The following CEP135 variants were observed in gnomAD, a reference collection of about 807,000 sequenced individuals.
CEP135 encodes the protein centrosomal protein of 135 kDa.
Under a neutral mutation model 157.3 loss-of-function variants are expected in CEP135, and 142 were observed. The observed-to-expected ratio is 0.90, with a 90% CI of 0.79 to 1.04. CEP135 has a LOEUF of 1.04. CEP135 is among the 50% of genes least tolerant of loss of function. CEP135 has a pLI of 0.00. For synonymous variants in CEP135, 396 were observed against 439.8 expected, an observed-to-expected ratio of 0.90 and a Z score of 1.25; for missense variants, 1,317 against 1,309.2, an observed-to-expected ratio of 1.01 and a Z score of -0.09.
At chr4:56,025,157 C>T (rs1040586365) in intron 25 of CEP135, among the ~76,000 whole-genome samples, 3 of 151,966 alleles carry the variant, frequency 2.0e-5, no homozygotes, top group African/African-American at 7.2e-5. Context: ...GCAGCTATCT[C>T]CAAAAAAACA....
At chr4:56,008,459 G>T in intron 18 of CEP135, 77 bp downstream of exon 18, 2 of 1,110,520 alleles carry the variant, frequency 1.8e-6, no homozygotes, top group Non-Finnish European at 1.3e-6. Context: ...CAGTAGCATT[G>T]CAGCAATAGA....
chr4:56,010,775 TC>T (rs1730554201), intron 19 of CEP135, among the ~76,000 whole-genome samples: 1 of 152,214 alleles, frequency 6.6e-6, no homozygotes, highest in Non-Finnish European at 1.5e-5. Flanking sequence ...GTTTTAAACA[TC>T]TTACGTTTTT....
In CEP135 at chr4:55,974,938, A is replaced by G. The variant is rs772353041; in HGVS notation, c.1442A>G (p.Glu481Gly). The G allele has an allele frequency of 1.2e-6, 2 of 1,606,318 alleles. 1 individual carries two copies. Among genetic ancestry groups the G allele is most frequent in the African/African-American group, 2.7e-5 (2 of 74,826 alleles). Reference sequence around the variant, plus strand: ...TGCTCTACAAGTTATAGCGCACGTGAAAAAAGTTCAATATTTAGAACACCA... The same window carrying G: ...TGCTCTACAAGTTATAGCGCACGTGGAAAAAGTTCAATATTTAGAACACCA... ...RSCSTSYSAREKSSIFRTPEK... is the reference protein window; with the variant it reads ...RSCSTSYSARGKSSIFRTPEK... Residue 481 changes from glutamate (E) to glycine (G), a missense_variant, in exon 11 of 26, where the codon GAA becomes GGA. Transcript: ENST00000257287.
At position 56,032,889 on chromosome 4, in the gene CEP135, G is replaced by A. The variant is rs1731413105; in HGVS notation, c.*1541G>A. 6.6e-6 allele frequency: 1 copy of A among 151,132 alleles called. No individual in the cohort carries two copies. The allele number at this position is 151,132 out of a possible 1,614,324, so 9.4% of individuals were successfully genotyped here. On this transcript the variant is annotated 3_prime_UTR_variant, in exon 26 of 26. Transcript: ENST00000257287. ...GTGTGTGTATACCTGGGGGTGGGCA[G>A]TGCTCTTTTTCTAAAACTAATATGG...
rs1445749536 is a variant in CEP135, at chr4:55,953,134, G to A, written c.163G>A (p.Val55Met). ...CCTTCGGCAATCAAAATTATCTGCTGTGAAAGCTGAAAAAGAAAGTGCCAA... is the reference window on the plus strand; with the variant it reads ...CCTTCGGCAATCAAAATTATCTGCTATGAAAGCTGAAAAAGAAAGTGCCAA... ...ESLRQSKLSA[V>M]KAEKESANFD... The change falls in exon 3 of 26, where the codon GTG becomes ATG. Residue 55 changes from valine to methionine, a missense_variant. By Grantham distance (21) the Val-to-Met change is conservative. Transcript: ENST00000257287. The A allele has an allele frequency of 2.5e-6, 4 of 1,607,532 alleles. No individual in the cohort carries two copies. In the South Asian group the frequency reaches 3.4e-5, roughly 14 times the overall value.
intron 13 of CEP135, 70 bp from the exon 14 acceptor site, chr4:55,985,206 CTTACA>C: frequency 1.4e-6 from 1 of 715,408 alleles, no homozygotes; most frequent in Admixed American, 2.0e-5. Context: ...GAACTGTAGA[CTTACA>C]TTGCTTACTG....
chr4:56,001,926 T>C (rs1390759849), intron 17 of CEP135, among the ~76,000 whole-genome samples: 1 of 152,264 alleles, frequency 6.6e-6, no homozygotes, highest in East Asian at 1.9e-4. Context: ...ATTTCTTTCA[T>C]CAGTGTTTTG....
intron 17 of CEP135, 132 bp from the exon 18 acceptor site, chr4:56,008,195 C>A: frequency 3.2e-6 from 2 of 625,700 alleles, no homozygotes; most frequent in Non-Finnish European, 5.6e-6. Context: ...GATATGTTTA[C>A]TTGGAGCTTT....
intron 8 of CEP135, among the ~76,000 whole-genome samples, chr4:55,966,848 T>G (rs964661878): frequency 6.6e-6 from 1 of 152,204 alleles, no homozygotes; most frequent in Non-Finnish European, 1.5e-5. Context: ...AAGTTGGTAA[T>G]TATAATAACA....
chr4:55,993,581 C>A (rs763181797), intron 15 of CEP135, among the ~76,000 whole-genome samples: 1 of 152,170 alleles, frequency 6.6e-6, no homozygotes, highest in African/African-American at 2.4e-5. Context: ...TCCTCTGGCT[C>A]ATGTCTGGAT....
At chr4:55,981,587 G>A (rs548191681) in intron 13 of CEP135, among the ~76,000 whole-genome samples, 1 of 152,118 alleles carries the variant, frequency 6.6e-6, no homozygotes, top group African/African-American at 2.4e-5. Flanking sequence ...ATTATCTTTA[G>A]CTTCTTTTGT....
At chr4:56,012,634 GT>G (rs143485812) in intron 21 of CEP135, among the ~76,000 whole-genome samples, 3,108 of 152,270 alleles carry the variant, frequency 0.02, 111 homozygotes, top group African/African-American at 0.071. Context: ...ATCACACAAT[GT>G]TTGTCCTTTT....
At chr4:56,029,903 G>GA (rs1177510988) in intron 25 of CEP135, among the ~76,000 whole-genome samples, 4 of 152,170 alleles carry the variant, frequency 2.6e-5, no homozygotes, top group Non-Finnish European at 4.4e-5. Flanking sequence ...GAAGGCCTAG[G>GA]ACATTCCTGT....
At chr4:55,966,180 T>A (rs963170478) in intron 8 of CEP135, 1 of 208,722 alleles carries the variant, frequency 4.8e-6, no homozygotes, top group Non-Finnish European at 9.5e-6. Flanking sequence ...AAGTTTCCCC[T>A]CTATGTCATT....
At position 56,033,062 on chromosome 4, in the gene CEP135, A is replaced by C. The variant is rs1181314175; in HGVS notation, c.*1714A>C. 1 of 152,160 alleles carries C rather than the reference A, an allele frequency of 6.6e-6. No homozygotes were observed. Among genetic ancestry groups the C allele is most frequent in the African/African-American group, 2.4e-5 (1 of 41,452 alleles). 9.4% of individuals were successfully genotyped at this position (152,160 alleles called of 1,614,324 possible). A position where few individuals can be genotyped will look rare whatever the true frequency, so the allele number is the denominator to read the frequency against. ...ATACAAGAGACATGGGACTGTTTGC[A>C]ATACCATATGGAAATCTTTTAATAA... On this transcript the variant is annotated 3_prime_UTR_variant, in exon 26 of 26. Coordinates refer to ENST00000257287, the MANE Select transcript of CEP135 (RefSeq NM_025009.5).
chr4:55,983,351 G>A (rs1225181155), intron 13 of CEP135, among the ~76,000 whole-genome samples: 1 of 152,192 alleles, frequency 6.6e-6, no homozygotes, highest in Non-Finnish European at 1.5e-5. Flanking sequence ...GCAGGATTTT[G>A]TGAGTTTACA....
chr4:56,011,537 T>G lies in CEP135; in HGVS notation c.2616+15T>G, dbSNP rs1417577893. The G allele has an allele frequency of 1.3e-6, 2 of 1,557,612 alleles. No homozygotes were observed. The highest frequency in any genetic ancestry group is 8.7e-7 in the Non-Finnish European group (1 of 1,142,994). On this transcript the variant is annotated intron_variant, in intron 20 of 25. Transcript: ENST00000257287. ...TGGCTGCCAAGGTGAAAAATATTAT[T>G]TAGGTTGGATTTAAGACTGAGGTTT...
chr4:55,966,912 A>G (rs1728861165), intron 8 of CEP135, among the ~76,000 whole-genome samples: 1 of 152,158 alleles, frequency 6.6e-6, no homozygotes, highest in Non-Finnish European at 1.5e-5. Context: ...TCTATTTTAA[A>G]TATAATATCT....
At chr4:56,025,713 G>T (rs537451969) in intron 25 of CEP135, among the ~76,000 whole-genome samples, 3 of 152,120 alleles carry the variant, frequency 2.0e-5, no homozygotes, top group African/African-American at 7.2e-5. Flanking sequence ...GGAACTAGAG[G>T]TAGAGAGACC....
Sources: allele counts gnomAD v4.1 joint callset (sites outside exome capture counted in the v4.1 genomes callset), GRCh38; gene constraint gnomAD v4.1.1; transcripts MANE v1.5; gene names NCBI Gene and HGNC (gene_info 2026-07-23, HGNC 2026-07-21).